The following ADGRF1 variants were observed in gnomAD, a reference collection of about 807,000 sequenced individuals.
ADGRF1 encodes the protein adhesion G protein-coupled receptor F1, also known as G protein-coupled receptor 110.
Under a neutral mutation model 87.2 loss-of-function variants are expected in ADGRF1, and 85 were observed. That is an observed-to-expected ratio of 0.97 (90% confidence interval 0.82 to 1.17). The LOEUF is 1.17. Among genes scored for constraint, ADGRF1 ranks in the 50% most tolerant of loss-of-function variants. ADGRF1 has a pLI of 0.00. For synonymous variants in ADGRF1, 430 were observed against 408.8 expected (o/e 1.05, Z -0.63); for missense variants, 1,169 against 1,077.2 (o/e 1.09, Z -1.19).
At chr6:47,004,437 G>C (rs1450589836) in intron 13 of ADGRF1, among the ~76,000 whole-genome samples, 1 of 152,178 alleles carries the variant, frequency 6.6e-6, no homozygotes, top group Non-Finnish European at 1.5e-5. Flanking sequence ...TACAGACACT[G>C]CCTTCTCAGA....
chr6:47,029,022 A>C lies in ADGRF1; in HGVS notation c.40T>G (p.Phe14Val). 4.3e-6 allele frequency: 7 copies of C among 1,614,180 alleles called. No homozygotes were observed. Among genetic ancestry groups the C allele is most frequent in the Non-Finnish European group, 5.9e-6 (7 of 1,180,008 alleles). Residue 14 changes from phenylalanine (F) to valine (V), a missense_variant, in exon 2 of 15, where the codon TTC (phenylalanine) becomes GTC (valine). By Grantham distance (50) the Phe-to-Val change is conservative (BLOSUM62 -1). Transcript: ENST00000371253. Reference protein sequence around the residue: ...GVLWLISFFTFTDGHGGFLGK... With the variant: ...GVLWLISFFTVTDGHGGFLGK... ...AGGAAGCCACCGTGGCCGTCAGTGA[A>C]GGTGAAGAAAGAAATGAGCCACAGC...
intron 7 of ADGRF1, 97 bp downstream of exon 7, chr6:47,020,634 T>C: frequency 6.3e-7 from 1 of 1,585,202 alleles, no homozygotes; most frequent in African/African-American, 1.3e-5. Flanking sequence ...ACTTCTGTCC[T>C]GTTTTCTGTC....
At chr6:47,039,411 T>A (rs79473919) in intron 1 of ADGRF1, among the ~76,000 whole-genome samples, 8,038 of 152,312 alleles carry the variant, frequency 0.053, 259 homozygotes, top group African/African-American at 0.085. Context: ...TATTAATTCC[T>A]ATGAATTTTC....
At chr6:47,025,766 T>A in intron 4 of ADGRF1, 88 bp downstream of exon 4, 1 of 1,137,428 alleles carries the variant, frequency 8.8e-7, no homozygotes, top group Non-Finnish European at 1.2e-6. Flanking sequence ...ATTGTAGGGA[T>A]GATTGTTTCC....
At chr6:47,035,809 G>C (rs945880861) in intron 1 of ADGRF1, among the ~76,000 whole-genome samples, 1 of 152,144 alleles carries the variant, frequency 6.6e-6, no homozygotes, top group Non-Finnish European at 1.5e-5. Flanking sequence ...TCCTGTTCCT[G>C]CATTAATTTG....
rs866524586 is a variant in ADGRF1, at chr6:47,014,814, C to A, written c.794G>T (p.Gly265Val). The A allele has an allele frequency of 6.2e-7, 1 of 1,610,766 alleles. No individual in the cohort carries two copies. The highest frequency in any genetic ancestry group is 1.3e-5 in the African/African-American group (1 of 74,744). ...AQCNDIVFGF[G>V]SKDDEYTLPC... ...CAGGGTATATTCATCATCCTTGGAC[C>A]CAAATCCAAAGACAATGTCATTACA... The change falls in exon 9 of 15, where the codon GGG becomes GTG. Residue 265 changes from glycine (G) to valine (V), a missense_variant. Gly to Val is a moderately radical substitution (Grantham distance 109). Coordinates refer to ENST00000371253, the MANE Select transcript of ADGRF1 (RefSeq NM_153840.4).
chr6:47,006,848 T>G (rs1779547545), intron 12 of ADGRF1, among the ~76,000 whole-genome samples: 1 of 152,204 alleles, frequency 6.6e-6, no homozygotes, highest in South Asian at 2.1e-4. Flanking sequence ...ACTTACTGTT[T>G]AAAACTCTAC....
Position 47,024,034 on chromosome 6 carries a change from A to T in ADGRF1, c.451+10T>A, listed in dbSNP as rs766027479. 1 of 1,611,970 alleles carries T rather than the reference A, an allele frequency of 6.2e-7. No homozygotes were observed. Among genetic ancestry groups the T allele is most frequent in the Non-Finnish European group, 8.5e-7 (1 of 1,178,700 alleles). Reference sequence around the variant, plus strand: ...AGAAGCCCCAGCCCAGAGCATTCTTAGTTGCTTACTTGTTCTCTCACAGAA... The same window carrying T: ...AGAAGCCCCAGCCCAGAGCATTCTTTGTTGCTTACTTGTTCTCTCACAGAA... On this transcript the variant is annotated intron_variant, in intron 5 of 14. Transcript: ENST00000371253.
chr6:47,028,455 G>C (rs531899579), intron 2 of ADGRF1, among the ~76,000 whole-genome samples: 1 of 152,320 alleles, frequency 6.6e-6, no homozygotes, highest in Non-Finnish European at 1.5e-5. Context: ...AAGAAGGATT[G>C]GGTTCGATTT....
chr6:47,020,410 C>A, intron 7 of ADGRF1: 1 of 917,368 alleles, frequency 1.1e-6, no homozygotes, highest in Non-Finnish European at 1.6e-6. Flanking sequence ...GCAGGGGAAT[C>A]TCTTGAACCC....
In ADGRF1 at chr6:46,998,796, C is replaced by T. The variant is rs1486880373; in HGVS notation, c.*1426G>A. 6.6e-6 allele frequency: 1 copy of T among 152,262 alleles called. No homozygotes were observed. Among genetic ancestry groups the T allele is most frequent in the African/African-American group, 2.4e-5 (1 of 41,474 alleles). The allele number at this position is 152,262 out of a possible 1,614,324, so 9.4% of individuals were successfully genotyped here. ...TTTCTCATAAAATTCTGTTGACTCT[C>T]ATACATATTTGTGGGGTATAGAACC... On this transcript the variant is annotated 3_prime_UTR_variant, in exon 15 of 15. Transcript: ENST00000371253.
intron 1 of ADGRF1, among the ~76,000 whole-genome samples, chr6:47,036,903 A>G (rs887546101): frequency 6.6e-6 from 1 of 152,232 alleles, no homozygotes; most frequent in African/African-American, 2.4e-5. Flanking sequence ...TCAAGATCAT[A>G]GCAGTTTTGA....
At chr6:47,039,340 T>C (rs995530413) in intron 1 of ADGRF1, among the ~76,000 whole-genome samples, 1 of 152,228 alleles carries the variant, frequency 6.6e-6, no homozygotes, top group African/African-American at 2.4e-5. Flanking sequence ...TTTATTCAAC[T>C]GACTACACAT....
At chr6:47,033,131 C>T (rs1336720540) in intron 1 of ADGRF1, among the ~76,000 whole-genome samples, 1 of 152,206 alleles carries the variant, frequency 6.6e-6, no homozygotes, top group Non-Finnish European at 1.5e-5. Flanking sequence ...TGACATGTTT[C>T]CATCACACCT....
intron 10 of ADGRF1, 116 bp from the exon 11 acceptor site, chr6:47,010,434 A>G (rs535394434): frequency 1.9e-5 from 16 of 857,022 alleles, no homozygotes; most frequent in Middle Eastern, 3.6e-4. Flanking sequence ...TGGCTCAGTC[A>G]CGAACCACAT....
At chr6:47,003,474 A>C (rs1779420950) in intron 13 of ADGRF1, among the ~76,000 whole-genome samples, 1 of 152,160 alleles carries the variant, frequency 6.6e-6, no homozygotes, top group South Asian at 2.1e-4. Flanking sequence ...TATCCTTTAA[A>C]AGGTCTGAAT....
chr6:47,029,538 T>A (rs968388388), intron 1 of ADGRF1, among the ~76,000 whole-genome samples: 6 of 152,186 alleles, frequency 3.9e-5, no homozygotes, highest in African/African-American at 1.4e-4. Flanking sequence ...TAAATAATAA[T>A]GAATCAATCC....
At chr6:47,001,652 C>T (rs961518505) in intron 13 of ADGRF1, 85 bp from the exon 14 acceptor site, 6 of 1,037,254 alleles carry the variant, frequency 5.8e-6, no homozygotes, top group East Asian at 4.9e-5. Context: ...TGATGTTATT[C>T]ATGATTCTTT....
chr6:47,016,129 G>T (rs1779868481), intron 8 of ADGRF1, among the ~76,000 whole-genome samples: 1 of 152,164 alleles, frequency 6.6e-6, no homozygotes, highest in Non-Finnish European at 1.5e-5. Context: ...AATAAATGTT[G>T]TTGAAAGAGA....
Sources: allele counts gnomAD v4.1 joint callset (sites outside exome capture counted in the v4.1 genomes callset), GRCh38; gene constraint gnomAD v4.1.1; transcripts MANE v1.5; gene names NCBI Gene and HGNC (gene_info 2026-07-23, HGNC 2026-07-21).